Variants in OXR1 observed in about 807,000 individuals in gnomAD.
OXR1 encodes the protein oxidation resistance 1, also known as oxidation resistance protein 1.
Under a neutral mutation model 104.6 loss-of-function variants are expected in OXR1, and 41 were observed. The observed-to-expected ratio is 0.39, with a 90% confidence interval of 0.31 to 0.51. The LOEUF (loss-of-function observed/expected upper bound fraction) is 0.51, where lower values mean the gene tolerates loss of function less well. Ranked by LOEUF, OXR1 falls within the 20% of genes least tolerant of loss-of-function variation. OXR1 has a pLI of 0.77. For missense variants in OXR1, 955 were observed against 1,031.9 expected (o/e 0.93, Z 1.02); for synonymous variants, 348 against 348.4 (o/e 1.00, Z 0.01).
At chr8:106,649,095 C>T (rs1824325158) in intron 3 of OXR1, among the ~76,000 whole-genome samples, 1 of 152,044 alleles carries the variant, frequency 6.6e-6, no homozygotes, top group African/African-American at 2.4e-5. Context: ...GTCCCAGCTA[C>T]TTAGGAGGCT....
chr8:106,520,068 C>T (rs1195040144), intron 3 of OXR1, among the ~76,000 whole-genome samples: 1 of 152,076 alleles, frequency 6.6e-6, no homozygotes, highest in Non-Finnish European at 1.5e-5. Context: ...GAGATTTGGT[C>T]ACATCCAAAA....
chr8:106,386,450 A>G (rs1457695087), intron 2 of OXR1, among the ~76,000 whole-genome samples: 1 of 152,242 alleles, frequency 6.6e-6, no homozygotes, highest in Non-Finnish European at 1.5e-5. Context: ...TATGACAAAA[A>G]GCATTGCATT....
intron 2 of OXR1, among the ~76,000 whole-genome samples, chr8:106,496,883 A>G (rs1387601167): frequency 6.6e-6 from 1 of 152,178 alleles, no homozygotes; most frequent in Non-Finnish European, 1.5e-5. Context: ...GTGTGGCCCA[A>G]TGTGTTCCAT....
intron 2 of OXR1, among the ~76,000 whole-genome samples, chr8:106,409,069 A>G (rs1194668619): frequency 1.3e-5 from 2 of 152,134 alleles, no homozygotes; most frequent in Admixed American, 6.6e-5. Context: ...AGCTGCCTTC[A>G]GCTATTCTCC....
intron 2 of OXR1, among the ~76,000 whole-genome samples, chr8:106,433,211 T>C (rs759304650): frequency 1.1e-4 from 17 of 152,094 alleles, no homozygotes; most frequent in Non-Finnish European, 2.4e-4. Context: ...GATTGAATCA[T>C]AGGGGGCCAA....
intron 3 of OXR1, among the ~76,000 whole-genome samples, chr8:106,594,526 G>C (rs1015775858): frequency 1.3e-5 from 2 of 152,170 alleles, no homozygotes; most frequent in East Asian, 3.9e-4. Context: ...AACCTTATTA[G>C]TTGAGAGTTG....
intron 2 of OXR1, among the ~76,000 whole-genome samples, chr8:106,494,637 T>A (rs1811303682): frequency 6.6e-6 from 1 of 152,222 alleles, no homozygotes; most frequent in Non-Finnish European, 1.5e-5. Context: ...TGCAACTATA[T>A]AGTCACTTAT....
chr8:106,745,705 T>C (rs1835336566), intron 15 of OXR1, 84 bp from the exon 16 acceptor site: 1 of 633,544 alleles, frequency 1.6e-6, no homozygotes, highest in Non-Finnish European at 2.7e-6. Context: ...CTTGGCTTTG[T>C]TAACTCGTTT....
At chr8:106,562,617 A>G (rs1258602612) in intron 3 of OXR1, among the ~76,000 whole-genome samples, 1 of 152,188 alleles carries the variant, frequency 6.6e-6, no homozygotes, top group Non-Finnish European at 1.5e-5. Flanking sequence ...GGAAATAAAG[A>G]GAACACCACA....
In OXR1 at chr8:106,343,282, G is replaced by C. The variant is rs536071755; in HGVS notation, c.-138-16194G>C. 7.9e-5 allele frequency among the ~76,000 whole-genome samples: 12 copies of C among 152,280 alleles called. No homozygotes were observed. The South Asian group carries it at 2.5e-3, about 32-fold the overall frequency. Reference sequence around the variant, plus strand: ...TTCCCTGGCTCTTCACAGCCTCTGGGATAATGTCTTTATTATATAATACTT... The same window carrying C: ...TTCCCTGGCTCTTCACAGCCTCTGGCATAATGTCTTTATTATATAATACTT... On this transcript the variant is annotated intron_variant, in intron 1 of 16. Transcript: ENST00000517566.
intron 3 of OXR1, among the ~76,000 whole-genome samples, chr8:106,590,122 T>G (rs140430615): frequency 1.9e-3 from 289 of 152,256 alleles, no homozygotes; most frequent in Admixed American, 3.6e-3. Context: ...CACCTAAGAG[T>G]ATGACAACAG....
chr8:106,634,316 C>T (rs1402402724), intron 3 of OXR1, among the ~76,000 whole-genome samples: 3 of 152,134 alleles, frequency 2.0e-5, no homozygotes, highest in East Asian at 1.9e-4. Flanking sequence ...CTCAAATGAA[C>T]AAAGGGCTGA....
At chr8:106,316,626 A>G (rs1813949829) in intron 1 of OXR1, among the ~76,000 whole-genome samples, 1 of 152,028 alleles carries the variant, frequency 6.6e-6, no homozygotes, top group Non-Finnish European at 1.5e-5. Flanking sequence ...TTTTCTTTAA[A>G]ACTTAAGTAA....
intron 3 of OXR1, among the ~76,000 whole-genome samples, chr8:106,548,398 C>A (rs983580525): frequency 6.6e-6 from 1 of 152,130 alleles, no homozygotes; most frequent in Non-Finnish European, 1.5e-5. Flanking sequence ...GAGGAACAGG[C>A]CAGAAACTTT....
chr8:106,498,621 A>G lies in OXR1; in HGVS notation c.24-20322A>G, dbSNP rs980731259. On this transcript the variant is annotated intron_variant, in intron 2 of 16. Coordinates refer to ENST00000517566, the MANE Select transcript of OXR1 (RefSeq NM_001198533.2). ...TGCATCTTTATGTTTCATTCAACTC[A>G]CATGTTAAGCTGTGTGTGTGAGTGT... 8.5e-5 allele frequency among the ~76,000 whole-genome samples: 13 copies of G among 152,188 alleles called. 1 individual carries two copies. The highest frequency in any genetic ancestry group is 2.9e-4 in the African/African-American group (12 of 41,512).
intron 2 of OXR1, among the ~76,000 whole-genome samples, chr8:106,423,564 C>T (rs1171804378): frequency 6.6e-6 from 1 of 152,166 alleles, no homozygotes; most frequent in Non-Finnish European, 1.5e-5. Flanking sequence ...ATTCTCTCAG[C>T]CTCTGTTCTG....
chr8:106,456,556 T>C (rs1262938886), intron 2 of OXR1, among the ~76,000 whole-genome samples: 2 of 152,200 alleles, frequency 1.3e-5, no homozygotes, highest in Non-Finnish European at 2.9e-5. Flanking sequence ...TCAATGTAAT[T>C]TGAAGAAGAA....
intron 1 of OXR1, among the ~76,000 whole-genome samples, chr8:106,328,432 T>C (rs1330242588): frequency 2.6e-5 from 4 of 152,232 alleles, no homozygotes; most frequent in Non-Finnish European, 5.9e-5. Context: ...ATGACATTTT[T>C]ATCATTTGTT....
At position 106,363,250 on chromosome 8, in the gene OXR1, G is replaced by T. The variant is rs182209985; in HGVS notation, c.23+3614G>T. On this transcript the variant is annotated intron_variant, in intron 2 of 16. Coordinates refer to ENST00000517566, the MANE Select transcript of OXR1 (RefSeq NM_001198533.2). The stretch of plus-strand genomic sequence containing the variant: ...TTTGGAGCTCATTTATAAGCCAGAA[G>T]ACTGATAAGTGATCAAATAGCTCTG... 7.9e-5 allele frequency among the ~76,000 whole-genome samples: 12 copies of T among 152,288 alleles called. No individual in the cohort carries two copies. The East Asian group carries it at 2.3e-3, about 29-fold the overall frequency.
Sources: allele counts gnomAD v4.1 joint callset (sites outside exome capture counted in the v4.1 genomes callset), GRCh38; gene constraint gnomAD v4.1.1; transcripts MANE v1.5; gene names NCBI Gene and HGNC (gene_info 2026-07-23, HGNC 2026-07-21).